The following OXR1 variants were observed in gnomAD, a reference collection of about 807,000 sequenced individuals.
The protein encoded by OXR1 is oxidation resistance protein 1.
Under a neutral mutation model 104.6 loss-of-function variants are expected in OXR1, and 41 were observed. The observed-to-expected ratio is 0.39, with a 90% CI of 0.31 to 0.51. The LOEUF (loss-of-function observed/expected upper bound fraction) is 0.51. Ranked by LOEUF, OXR1 falls within the 20% of genes least tolerant of loss-of-function variation. The probability of loss-of-function intolerance (pLI) is 0.77; values close to 1 mark genes in which losing one functional copy is unlikely to be tolerated. For missense variants in OXR1, 955 were observed against 1,031.9 expected (o/e 0.93, Z 1.02); for synonymous variants, 348 against 348.4 (o/e 1.00, Z 0.01).
intron 2 of OXR1, among the ~76,000 whole-genome samples, chr8:106,516,482 G>C (rs1228477148): frequency 6.6e-6 from 1 of 152,068 alleles, no homozygotes; most frequent in African/African-American, 2.4e-5. Context: ...GCCATTCCAG[G>C]AATGAATGAA....
At chr8:106,286,922 A>T (rs1015274831) in intron 1 of OXR1, among the ~76,000 whole-genome samples, 12 of 152,222 alleles carry the variant, frequency 7.9e-5, no homozygotes, top group Non-Finnish European at 1.2e-4. Flanking sequence ...CTAGTAACTC[A>T]GCAATAAAAG....
At position 106,361,023 on chromosome 8, in the gene OXR1, C is replaced by A. The variant is rs1029735128; in HGVS notation, c.23+1387C>A. ...GGCAGGACTAACATTGAGGCCTGGCCTCGGTGCATGCTTCTATTAACTGCT... is the reference window on the plus strand; with the variant it reads ...GGCAGGACTAACATTGAGGCCTGGCATCGGTGCATGCTTCTATTAACTGCT... On this transcript the variant is annotated intron_variant, in intron 2 of 16. Transcript: ENST00000517566. Among the ~76,000 whole-genome samples, 14 of 152,290 alleles carry A rather than the reference C, an allele frequency of 9.2e-5. No homozygotes were observed. The East Asian group carries it at 1.9e-3, about 21-fold the overall frequency.
intron 2 of OXR1, among the ~76,000 whole-genome samples, chr8:106,441,337 G>A (rs560760391): frequency 6.6e-6 from 1 of 152,284 alleles, no homozygotes; most frequent in Middle Eastern, 3.4e-3. Context: ...AGTATAGTTT[G>A]AAGTCAGGTG....
intron 3 of OXR1, among the ~76,000 whole-genome samples, chr8:106,585,968 G>C (rs951523773): frequency 1.3e-5 from 2 of 152,172 alleles, no homozygotes; most frequent in African/African-American, 4.8e-5. Context: ...TGACATCTTA[G>C]AAGCTTTTAC....
chr8:106,551,860 ATGTG>A (rs71307068), intron 3 of OXR1, among the ~76,000 whole-genome samples: 3,910 of 126,546 alleles, frequency 0.031, 61 homozygotes, highest in East Asian at 0.038. Flanking sequence ...GTGTATATAT[ATGTG>A]TGTGTGTGTG....
chr8:106,292,745 A>G (rs1000167925), intron 1 of OXR1, among the ~76,000 whole-genome samples: 2 of 152,230 alleles, frequency 1.3e-5, no homozygotes, highest in Non-Finnish European at 2.9e-5. Flanking sequence ...CAATATCTAG[A>G]GGATAAGAAG....
rs528726223 is a variant in OXR1 at position 106,483,366 on chromosome 8, A to G, written c.24-35577A>G. Among the ~76,000 whole-genome samples the G allele has an allele frequency of 5.3e-5, 8 of 151,874 alleles. No individual in the cohort carries two copies. In the South Asian group the frequency reaches 1.0e-3, roughly 20 times the overall value. On this transcript the variant is annotated intron_variant, in intron 2 of 16. Transcript: ENST00000517566. ...TGAATTTAGAAAGTATTTCCTGATAATGTCATTATTAGGAAATACTTTAAT... is the reference window on the plus strand; with the variant it reads ...TGAATTTAGAAAGTATTTCCTGATAGTGTCATTATTAGGAAATACTTTAAT...
chr8:106,649,885 A>G (rs1393500431), intron 3 of OXR1, among the ~76,000 whole-genome samples: 1 of 152,066 alleles, frequency 6.6e-6, no homozygotes, highest in Non-Finnish European at 1.5e-5. Flanking sequence ...TTTAGTAGAG[A>G]CAGGGTTTCA....
At chr8:106,400,810 T>C (rs1393144161) in intron 2 of OXR1, among the ~76,000 whole-genome samples, 1 of 152,180 alleles carries the variant, frequency 6.6e-6, no homozygotes, top group African/African-American at 2.4e-5. Flanking sequence ...TGCTCCAAAA[T>C]ATCACAATTC....
At chr8:106,504,333 G>A (rs139191083) in intron 2 of OXR1, among the ~76,000 whole-genome samples, 1 of 152,288 alleles carries the variant, frequency 6.6e-6, no homozygotes, top group African/African-American at 2.4e-5. Context: ...AGTTTGTGAT[G>A]TAGAGCAACT....
At chr8:106,349,475 T>C (rs1459530574) in intron 1 of OXR1, among the ~76,000 whole-genome samples, 6 of 152,092 alleles carry the variant, frequency 3.9e-5, no homozygotes, top group Admixed American at 3.9e-4. Context: ...GACTTCAAGA[T>C]ATGTAGTTGA....
intron 1 of OXR1, among the ~76,000 whole-genome samples, chr8:106,306,592 C>T (rs1813474354): frequency 6.6e-6 from 1 of 151,520 alleles, no homozygotes; most frequent in Non-Finnish European, 1.5e-5. Context: ...CTTAGCAATA[C>T]AGAGAAAATG....
At chr8:106,722,989 T>G (rs1306476983) in intron 11 of OXR1, among the ~76,000 whole-genome samples, 1 of 152,180 alleles carries the variant, frequency 6.6e-6, no homozygotes. Flanking sequence ...TTTGAACTAG[T>G]GTTTTGCTTT....
intron 3 of OXR1, among the ~76,000 whole-genome samples, chr8:106,568,412 C>A (rs1415332832): frequency 1.3e-5 from 2 of 152,110 alleles, no homozygotes; most frequent in Admixed American, 6.6e-5. Flanking sequence ...TTCTATGAAA[C>A]CTTCCATCCT....
intron 16 of OXR1, among the ~76,000 whole-genome samples, chr8:106,746,378 G>A (rs1267434223): frequency 1.2e-4 from 4 of 32,232 alleles, no homozygotes; most frequent in South Asian, 1.1e-3. Flanking sequence ...AGTACTGTGA[G>A]GAGCTTTGTT....
intron 2 of OXR1, among the ~76,000 whole-genome samples, chr8:106,472,422 C>T (rs936104445): frequency 5.3e-5 from 8 of 151,554 alleles, no homozygotes; most frequent in African/African-American, 1.9e-4. Context: ...CATACTGTTA[C>T]GTGCTTCAGG....
intron 3 of OXR1, among the ~76,000 whole-genome samples, chr8:106,537,441 T>C (rs1438855729): frequency 6.6e-6 from 1 of 152,050 alleles, no homozygotes; most frequent in Non-Finnish European, 1.5e-5. Flanking sequence ...TCATATGTAA[T>C]TTAGGAAGAA....
chr8:106,539,904 A>G (rs1406607163), intron 3 of OXR1, among the ~76,000 whole-genome samples: 2 of 152,248 alleles, frequency 1.3e-5, no homozygotes, highest in East Asian at 3.8e-4. Flanking sequence ...AGTGAGATCA[A>G]CATATGACAA....
At chr8:106,397,063 A>G (rs1817810290) in intron 2 of OXR1, among the ~76,000 whole-genome samples, 1 of 152,108 alleles carries the variant, frequency 6.6e-6, no homozygotes, top group Admixed American at 6.6e-5. Context: ...TAAATTATTC[A>G]TATTGCATTG....
Sources: gnomAD v4.1 joint callset for allele counts (sites outside exome capture counted in the v4.1 genomes callset) on GRCh38, gnomAD v4.1.1 for gene constraint, MANE v1.5 for transcripts, NCBI Gene and HGNC (gene_info 2026-07-23, HGNC 2026-07-21) for gene names.